Variants in EFTUD2 observed in about 807,000 individuals in gnomAD.
EFTUD2 encodes 116 kDa U5 small nuclear ribonucleoprotein component.
In EFTUD2, 9 loss-of-function variants were observed where a neutral mutation model predicts 114.3. That is an observed-to-expected ratio of 0.08 (90% confidence interval 0.05 to 0.14). EFTUD2 has a LOEUF of 0.14. EFTUD2 is among the 10% of genes least tolerant of loss of function. The probability of loss-of-function intolerance (pLI) is 1.00; values close to 1 mark genes in which losing one functional copy is unlikely to be tolerated. For missense variants in EFTUD2, 765 were observed against 1,241.2 expected (o/e 0.62, Z 5.76); for synonymous variants, 449 against 462.3 (o/e 0.97, Z 0.37).
intron 2 of EFTUD2, among the ~76,000 whole-genome samples, chr17:44,890,950 T>A (rs190695930): frequency 6.6e-6 from 1 of 152,134 alleles, no homozygotes; most frequent in Non-Finnish European, 1.5e-5. Context: ...CATATGAGAA[T>A]GTACACTGGA....
intron 25 of EFTUD2, 81 bp downstream of exon 25, chr17:44,853,213 CCT>C: frequency 3.4e-6 from 5 of 1,461,604 alleles, no homozygotes; most frequent in Non-Finnish European, 4.7e-6. Flanking sequence ...AGAAGGCCAA[CCT>C]CTCTTCCCTG....
rs185020910 is a variant in EFTUD2, at chr17:44,862,155, T to C, written c.1607+558A>G. On this transcript the variant is annotated intron_variant, in intron 16 of 27. Coordinates refer to ENST00000426333, the MANE Select transcript of EFTUD2 (RefSeq NM_004247.4). ...TCATGCTTTCAAAAGGGCTTTAAGA[T>C]GGTGTGTGGTGGCTCACACCTGTAA... Among the ~76,000 whole-genome samples the C allele has an allele frequency of 4.5e-4, 68 of 152,228 alleles. 1 individual carries two copies. The East Asian group carries it at 0.011, about 26-fold the overall frequency.
intron 10 of EFTUD2, among the ~76,000 whole-genome samples, chr17:44,873,890 C>A (rs1045978873): frequency 2.0e-5 from 3 of 151,586 alleles, no homozygotes; most frequent in African/African-American, 7.3e-5. Flanking sequence ...CGCCACCAAG[C>A]CCGGCTAATT....
chr17:44,898,342 C>G (rs2051435648), intron 1 of EFTUD2, among the ~76,000 whole-genome samples: 1 of 152,148 alleles, frequency 6.6e-6, no homozygotes, highest in East Asian at 1.9e-4. Flanking sequence ...CTCAGCCTCC[C>G]GAGTAGTTGG....
intron 2 of EFTUD2, among the ~76,000 whole-genome samples, chr17:44,889,174 A>G (rs2051232692): frequency 1.3e-5 from 2 of 152,186 alleles, no homozygotes; most frequent in Non-Finnish European, 2.9e-5. Context: ...GGATGCAGGC[A>G]GGTCATGTGG....
At chr17:44,877,950 G>A (rs1015335227) in intron 9 of EFTUD2, among the ~76,000 whole-genome samples, 1 of 151,954 alleles carries the variant, frequency 6.6e-6, no homozygotes, top group African/African-American at 2.4e-5. Context: ...TGGCCAACAT[G>A]GTGAATGAAA....
chr17:44,897,701 A>G (rs1015140514), intron 1 of EFTUD2, among the ~76,000 whole-genome samples: 31 of 152,222 alleles, frequency 2.0e-4, no homozygotes, highest in African/African-American at 7.2e-4. Flanking sequence ...AGTAGCTGGG[A>G]TTACAGGCAC....
chr17:44,872,968 A>C (rs1421208376), intron 10 of EFTUD2: 3 of 153,760 alleles, frequency 2.0e-5, no homozygotes, highest in Non-Finnish European at 4.3e-5. Flanking sequence ...AAAAAGAGAA[A>C]AGAAAGGAAA....
At chr17:44,872,002 T>C (rs1487058388) in intron 11 of EFTUD2, among the ~76,000 whole-genome samples, 1 of 152,188 alleles carries the variant, frequency 6.6e-6, no homozygotes, top group Non-Finnish European at 1.5e-5. Context: ...CTGGGCATGT[T>C]AGCAGAGGCC....
chr17:44,880,294 T>A (rs1213118700), intron 8 of EFTUD2, among the ~76,000 whole-genome samples: 1 of 152,222 alleles, frequency 6.6e-6, no homozygotes, highest in Non-Finnish European at 1.5e-5. Context: ...CCTGACAGGC[T>A]GAAATGAATA....
chr17:44,897,215 C>CAAAAAAA (rs60766041), intron 1 of EFTUD2, among the ~76,000 whole-genome samples: 2 of 66,544 alleles, frequency 3.0e-5, no homozygotes, highest in Non-Finnish European at 6.1e-5. Flanking sequence ...GACTCCGTCT[C>CAAAAAAA]AAAAAAAAAA....
chr17:44,861,792 T>C (rs1257573236), intron 16 of EFTUD2, among the ~76,000 whole-genome samples: 1 of 152,048 alleles, frequency 6.6e-6, no homozygotes, highest in Non-Finnish European at 1.5e-5. Context: ...TTCCACCTTT[T>C]GGCATTTAGG....
At position 44,878,959 on chromosome 17, in the gene EFTUD2, C is replaced by T. The variant is rs149358290; in HGVS notation, c.702+597G>A. ...ACAACTAATATTAAAAATCCACTTA[C>T]AAGAACATACACTCCTCCCTTCCTT... On this transcript the variant is annotated intron_variant, in intron 9 of 27. Coordinates refer to ENST00000426333, the MANE Select transcript of EFTUD2 (RefSeq NM_004247.4). Among the ~76,000 whole-genome samples the T allele has an allele frequency of 2.8e-3, 423 of 152,336 alleles. 3 individuals are homozygous for T. The highest frequency in any genetic ancestry group is 9.8e-3 in the African/African-American group (407 of 41,576).
At chr17:44,898,435 G>C (rs374269628) in intron 1 of EFTUD2, among the ~76,000 whole-genome samples, 2 of 152,138 alleles carry the variant, frequency 1.3e-5, no homozygotes, top group African/African-American at 4.8e-5. Context: ...GGCCAGGCTG[G>C]TCTCGAACTC....
chr17:44,864,916 G>C lies in EFTUD2; in HGVS notation c.1285+14C>G. 1 of 1,613,324 alleles carries C rather than the reference G, an allele frequency of 6.2e-7. No homozygotes were observed. Among genetic ancestry groups the C allele is most frequent in the Non-Finnish European group, 8.5e-7 (1 of 1,179,430 alleles). ...GAGGATGACAGAGTTAAGGGGCCAC[G>C]AGCACATTATTACCTGTGAACTCGC... On this transcript the variant is annotated intron_variant, in intron 14 of 27. Transcript: ENST00000426333.
Position 44,855,015 on chromosome 17 carries a change from T to A in EFTUD2, c.2046-11A>T, listed in dbSNP as rs766868272. 4.3e-6 allele frequency: 7 copies of A among 1,611,442 alleles called. No individual in the cohort carries two copies. Among genetic ancestry groups the A allele is most frequent in the Non-Finnish European group, 4.2e-6 (5 of 1,177,688 alleles). ...ATGGTGATCTTGTTCCTGGTCAGAA[T>A]GGAAATGGGTGGTAAGGACGGCTAA... On this transcript the variant is annotated splice_polypyrimidine_tract_variant and intron_variant, in intron 20 of 27. Coordinates refer to ENST00000426333, the MANE Select transcript of EFTUD2 (RefSeq NM_004247.4).
rs147490132 is a variant in EFTUD2 at position 44,859,674 on chromosome 17, ACCC to A, written c.1860+228_1860+230del. On this transcript the variant is annotated intron_variant, in intron 18 of 27. Transcript: ENST00000426333. ...ACACACACACACAACCTTGTCCTAT[ACCC>A]CCCATCACTGCCCCCTCCTACACAG... The A allele has an allele frequency of 4.4e-3, 2,639 of 605,512 alleles. 51 individuals carry two copies. In the African/African-American group the frequency reaches 0.044, roughly 10 times the overall value. 37.5% of individuals were successfully genotyped at this position (605,512 alleles called of 1,614,324 possible). A position where few individuals can be genotyped will look rare whatever the true frequency, so the allele number is the denominator to read the frequency against.
At chr17:44,861,309 G>T (rs1216509769) in intron 16 of EFTUD2, among the ~76,000 whole-genome samples, 1 of 151,978 alleles carries the variant, frequency 6.6e-6, no homozygotes. Flanking sequence ...GCCAGACATG[G>T]TGGTGCACAC....
intron 18 of EFTUD2, 130 bp from the exon 19 acceptor site, chr17:44,859,311 C>T (rs1391281941): frequency 2.9e-6 from 2 of 701,700 alleles, no homozygotes; most frequent in African/African-American, 3.5e-5. Context: ...CTGTTCCAGC[C>T]TCTTCAAGAA....
Sources: allele counts gnomAD v4.1 joint callset (sites outside exome capture counted in the v4.1 genomes callset), GRCh38; gene constraint gnomAD v4.1.1; transcripts MANE v1.5; gene names NCBI Gene and HGNC (gene_info 2026-07-23, HGNC 2026-07-21).